SLC4A4: variants seen among roughly 807,000 people sequenced by gnomAD.
The protein encoded by SLC4A4 is solute carrier family 4 member 4.
SLC4A4 carries 27 observed loss-of-function variants against 111.5 expected under a neutral mutation model. The ratio of observed to expected loss-of-function variants is 0.24; its 90% CI spans 0.18 to 0.33. The LOEUF (loss-of-function observed/expected upper bound fraction) is 0.33. Ranked by LOEUF, SLC4A4 falls within the 10% of genes least tolerant of loss-of-function variation. SLC4A4 has a pLI of 1.00. For synonymous variants in SLC4A4, 443 were observed against 463.4 expected (o/e 0.96, Z 0.57); for missense variants, 909 against 1,315.5 (o/e 0.69, Z 4.78).
chr4:71,252,778 G>A lies in SLC4A4; in HGVS notation c.74-2442G>A, dbSNP rs1721152593. 2.6e-5 allele frequency among the ~76,000 whole-genome samples: 4 copies of A among 152,142 alleles called. No individual in the cohort carries two copies. The South Asian group carries it at 8.3e-4, about 32-fold the overall frequency. ...AGAGAGTGACTGCAAATGGATATGA[G>A]GGATCTTTTTGGATTGGTGGAAATG... On this transcript the variant is annotated intron_variant, in intron 2 of 25. Coordinates refer to ENST00000264485, the MANE Select transcript of SLC4A4 (RefSeq NM_001098484.3).
intron 7 of SLC4A4, among the ~76,000 whole-genome samples, chr4:71,436,334 C>G (rs1318591891): frequency 6.6e-6 from 1 of 152,134 alleles, no homozygotes; most frequent in Non-Finnish European, 1.5e-5. Flanking sequence ...TGCATGTTCT[C>G]ACTCGTAAGT....
rs145593845 is a variant in SLC4A4, at chr4:71,532,136, C to G, written c.2241C>G (p.Gly747=). 1 of 1,612,140 alleles carries G rather than the reference C, an allele frequency of 6.2e-7. No homozygotes were observed. The highest frequency in any genetic ancestry group is 1.3e-5 in the African/African-American group (1 of 74,808). The change falls in exon 17 of 26, where the codon GGC becomes GGG. Residue 747 remains glycine (G), a synonymous_variant. Coordinates refer to ENST00000264485, the MANE Select transcript of SLC4A4 (RefSeq NM_001098484.3). Reference sequence around the variant, plus strand: ...TTTGTGTAATAGATGCCCTAGTAGGCGTGGACACCCCAAAACTAATTGTGC... The same window carrying G: ...TTTGTGTAATAGATGCCCTAGTAGGGGTGGACACCCCAAAACTAATTGTGC... ...LIFCVIDALV[G]VDTPKLIVPS...
chr4:71,415,408 ACTAT>A (rs1295483618), intron 7 of SLC4A4, among the ~76,000 whole-genome samples: 2 of 152,100 alleles, frequency 1.3e-5, no homozygotes, highest in African/African-American at 4.8e-5. Context: ...CCATTTATTG[ACTAT>A]CTACTATACT....
chr4:71,442,906 A>G (rs1395776009), intron 8 of SLC4A4, among the ~76,000 whole-genome samples: 1 of 151,798 alleles, frequency 6.6e-6, no homozygotes, highest in Non-Finnish European at 1.5e-5. Context: ...TTACAGCTGG[A>G]TGACTATCAA....
At chr4:71,398,284 CAAAAA>C (rs34473877) in intron 7 of SLC4A4, among the ~76,000 whole-genome samples, 2 of 78,418 alleles carry the variant, frequency 2.6e-5, no homozygotes, top group Non-Finnish European at 5.0e-5. Context: ...GACTTTGTCT[CAAAAA>C]AAAAAAAAAA....
chr4:71,098,697 G>C (rs1331753130), intron 2 of SLC4A4, among the ~76,000 whole-genome samples: 1 of 152,030 alleles, frequency 6.6e-6, no homozygotes, highest in Non-Finnish European at 1.5e-5. Flanking sequence ...AAGACCCAAT[G>C]GTGGGTTGTC....
At chr4:71,328,801 T>A (rs1158340672) in intron 3 of SLC4A4, among the ~76,000 whole-genome samples, 1 of 152,170 alleles carries the variant, frequency 6.6e-6, no homozygotes, top group Non-Finnish European at 1.5e-5. Flanking sequence ...TTTTCTTTGC[T>A]GTGCAGAAGC....
intron 2 of SLC4A4, among the ~76,000 whole-genome samples, chr4:71,130,676 A>T (rs575512307): frequency 6.6e-6 from 1 of 152,306 alleles, no homozygotes; most frequent in East Asian, 1.9e-4. Context: ...ACTTTGAAGC[A>T]TCTCTTTTAT....
intron 12 of SLC4A4, among the ~76,000 whole-genome samples, chr4:71,460,560 G>A (rs945191534): frequency 6.6e-6 from 1 of 152,092 alleles, no homozygotes; most frequent in African/African-American, 2.4e-5. Flanking sequence ...TGACGACAAA[G>A]TACTTTAGGC....
intron 16 of SLC4A4, among the ~76,000 whole-genome samples, chr4:71,515,886 T>C (rs1732331398): frequency 6.6e-6 from 1 of 152,068 alleles, no homozygotes; most frequent in South Asian, 2.1e-4. Flanking sequence ...ATAAGTAGCA[T>C]ATAGTTAGAT....
At position 71,569,742 on chromosome 4, in the gene SLC4A4, T is replaced by G. The variant is rs1436782373; in HGVS notation, c.*1991T>G. ...CTCATTGTTATGTTAATTAAGTTATTATTCTGTCTCCTTGTAATTTTGATT... is the reference window on the plus strand; with the variant it reads ...CTCATTGTTATGTTAATTAAGTTATGATTCTGTCTCCTTGTAATTTTGATT... On this transcript the variant is annotated 3_prime_UTR_variant, in exon 26 of 26. Coordinates refer to ENST00000264485, the MANE Select transcript of SLC4A4 (RefSeq NM_001098484.3). The G allele has an allele frequency of 6.6e-6, 1 of 151,714 alleles. No individual in the cohort carries two copies. Among genetic ancestry groups the G allele is most frequent in the Non-Finnish European group, 1.5e-5 (1 of 67,790 alleles). The allele number at this position is 151,714 out of a possible 1,614,324, so 9.4% of individuals were successfully genotyped here. A position where few individuals can be genotyped will look rare whatever the true frequency, so the allele number is the denominator to read the frequency against.
intron 1 of SLC4A4, among the ~76,000 whole-genome samples, chr4:71,089,259 A>C (rs1245370270): frequency 6.6e-6 from 1 of 151,832 alleles, no homozygotes; most frequent in Non-Finnish European, 1.5e-5. Context: ...AGGTCCTTTA[A>C]AGACTTCTCT....
chr4:71,302,584 T>A lies in SLC4A4; in HGVS notation c.254-36786T>A, dbSNP rs569288470. ...CCTAATGGGGTTGCCTGTAGCTCAT[T>A]CTCTTTGATGTGCGCTACCTGCAGT... On this transcript the variant is annotated intron_variant, in intron 3 of 25. Coordinates refer to ENST00000264485, the MANE Select transcript of SLC4A4 (RefSeq NM_001098484.3). Among the ~76,000 whole-genome samples the A allele has an allele frequency of 3.9e-5, 6 of 152,326 alleles. No homozygotes were observed. The South Asian group carries it at 1.2e-3, about 32-fold the overall frequency.
At chr4:71,328,862 G>A (rs1311079746) in intron 3 of SLC4A4, among the ~76,000 whole-genome samples, 1 of 152,018 alleles carries the variant, frequency 6.6e-6, no homozygotes, top group Non-Finnish European at 1.5e-5. Flanking sequence ...GGTTGTTTGT[G>A]CTTATGGGGT....
intron 9 of SLC4A4, among the ~76,000 whole-genome samples, chr4:71,448,733 T>C (rs1725486611): frequency 6.6e-6 from 1 of 152,206 alleles, no homozygotes; most frequent in African/African-American, 2.4e-5. Context: ...TGGGTCTTTC[T>C]GGGCTTACTA....
At chr4:71,183,325 G>C (rs1218250190), upstream of SLC4A4, among the ~76,000 whole-genome samples, 2 of 152,278 alleles carry the variant, frequency 1.3e-5, no homozygotes, top group East Asian at 3.9e-4. Flanking sequence ...AGCAACTTGG[G>C]ACACACGTTT....
chr4:71,233,737 G>T (rs1310179552), intron 1 of SLC4A4, among the ~76,000 whole-genome samples: 1 of 151,950 alleles, frequency 6.6e-6, no homozygotes, highest in East Asian at 1.9e-4. Flanking sequence ...CTCTTGATTT[G>T]TTCCCCAACA....
At chr4:71,547,385 A>T (rs1735628467) in intron 19 of SLC4A4, among the ~76,000 whole-genome samples, 1 of 152,000 alleles carries the variant, frequency 6.6e-6, no homozygotes, top group African/African-American at 2.4e-5. Flanking sequence ...TTCTTTCTTG[A>T]TTCCAAAAGG....
At chr4:71,257,054 A>G (rs1034549713) in intron 3 of SLC4A4, among the ~76,000 whole-genome samples, 3 of 152,256 alleles carry the variant, frequency 2.0e-5, no homozygotes, top group Non-Finnish European at 4.4e-5. Context: ...AAACAGTGCC[A>G]GCAGCACTCA....
Sources: gnomAD v4.1 joint callset for allele counts (sites outside exome capture counted in the v4.1 genomes callset) on GRCh38, gnomAD v4.1.1 for gene constraint, MANE v1.5 for transcripts, NCBI Gene and HGNC (gene_info 2026-07-23, HGNC 2026-07-21) for gene names.